Variants in SLC10A7 observed in about 807,000 individuals in gnomAD.
SLC10A7 encodes the protein solute carrier family 10 member 7.
In SLC10A7, 29 loss-of-function variants were observed where a neutral mutation model predicts 43.2. The ratio of observed to expected loss-of-function variants is 0.67; its 90% CI spans 0.50 to 0.92. SLC10A7 has a LOEUF of 0.92. Ranked by LOEUF, SLC10A7 falls within the 40% of genes least tolerant of loss-of-function variation. SLC10A7 has a pLI of 0.00. For missense variants in SLC10A7, 295 were observed against 403.2 expected, an observed-to-expected ratio of 0.73 and a Z score of 2.30; for synonymous variants, 152 against 144.8, an observed-to-expected ratio of 1.05 and a Z score of -0.35.
Position 146,514,861 on chromosome 4 carries a change from A to G in SLC10A7, c.183+2177T>C, listed in dbSNP as rs867156945. Reference sequence around the variant, plus strand: ...TGGTTTAATATTACACAATGATACAATCTAGGACATCTTAAGTTATATGGC... The same window carrying G: ...TGGTTTAATATTACACAATGATACAGTCTAGGACATCTTAAGTTATATGGC... On this transcript the variant is annotated intron_variant, in intron 2 of 11. Transcript: ENST00000335472. 17 of 460,236 alleles carry G rather than the reference A, an allele frequency of 3.7e-5. No individual in the cohort carries two copies. The Middle Eastern group carries it at 3.8e-3, about 103-fold the overall frequency. 28.5% of individuals were successfully genotyped at this position (460,236 alleles called of 1,614,324 possible). A position where few individuals can be genotyped will look rare whatever the true frequency, so the allele number is the denominator to read the frequency against.
At chr4:146,451,678 T>C (rs1731616317) in intron 4 of SLC10A7, among the ~76,000 whole-genome samples, 1 of 152,090 alleles carries the variant, frequency 6.6e-6, no homozygotes, top group East Asian at 1.9e-4. Flanking sequence ...AAATTCGACA[T>C]CTCTTCATGA....
At chr4:146,382,311 T>A (rs1280976776) in intron 5 of SLC10A7, among the ~76,000 whole-genome samples, 1 of 152,188 alleles carries the variant, frequency 6.6e-6, no homozygotes, top group East Asian at 1.9e-4. Flanking sequence ...AGTGGCCTAT[T>A]TCTGATCAGT....
chr4:146,259,805 T>C (rs1348567559), intron 10 of SLC10A7, among the ~76,000 whole-genome samples: 3 of 152,236 alleles, frequency 2.0e-5, no homozygotes, highest in Non-Finnish European at 4.4e-5. Context: ...CTAATTGTTT[T>C]AATGCAGCCA....
In SLC10A7 at chr4:146,428,641, T is replaced by C. The variant is rs1208772684; in HGVS notation, c.435+14142A>G. The stretch of plus-strand genomic sequence containing the variant: ...ACATCATTGAATTGGTTCTTTTTCA[T>C]ACTTATATTTTTACTTCTTCTTTAG... On this transcript the variant is annotated intron_variant, in intron 5 of 11. Transcript: ENST00000335472. Among the ~76,000 whole-genome samples, 3 of 152,228 alleles carry C rather than the reference T, an allele frequency of 2.0e-5. No individual in the cohort carries two copies. In the East Asian group the frequency reaches 5.8e-4, roughly 29 times the overall value.
At chr4:146,517,152 A>G in intron 1 of SLC10A7, 32 bp from the exon 2 acceptor site, 1 of 1,545,072 alleles carries the variant, frequency 6.5e-7, no homozygotes. Context: ...ATTGCTAGAA[A>G]AGAATTTCAG....
chr4:146,276,719 G>T (rs183706780), intron 10 of SLC10A7, among the ~76,000 whole-genome samples: 6 of 152,308 alleles, frequency 3.9e-5, no homozygotes, highest in Admixed American at 3.9e-4. Context: ...AGAGGCTGAG[G>T]TGGGAGGATT....
At chr4:146,356,046 A>AT (rs1217885265) in intron 5 of SLC10A7, among the ~76,000 whole-genome samples, 103 of 123,822 alleles carry the variant, frequency 8.3e-4, no homozygotes, top group Admixed American at 1.5e-3. Context: ...TAATAAAAAA[A>AT]AAAAAATATA....
intron 5 of SLC10A7, among the ~76,000 whole-genome samples, chr4:146,399,387 G>A (rs1739062247): frequency 6.6e-6 from 1 of 152,148 alleles, no homozygotes. Flanking sequence ...TTAACACCAA[G>A]AAAGAGTTGG....
chr4:146,332,463 T>C (rs1213075434), intron 5 of SLC10A7, among the ~76,000 whole-genome samples: 7 of 152,116 alleles, frequency 4.6e-5, no homozygotes, highest in Non-Finnish European at 1.0e-4. Context: ...CACCATCCCT[T>C]TGGTGTTATT....
chr4:146,256,639 C>A (rs1054739285), intron 11 of SLC10A7, 119 bp from the exon 12 acceptor site: 4 of 1,151,296 alleles, frequency 3.5e-6, no homozygotes, highest in Admixed American at 3.6e-5. Context: ...CAGATGGCAT[C>A]ATATAACCAA....
At chr4:146,516,871 C>T (rs955639082) in intron 2 of SLC10A7, among the ~76,000 whole-genome samples, 167 bp downstream of exon 2, 6 of 152,168 alleles carry the variant, frequency 3.9e-5, no homozygotes, top group African/African-American at 1.4e-4. Context: ...TTATAATACA[C>T]ATATGTAGGA....
chr4:146,267,466 T>A (rs1167072370), intron 10 of SLC10A7, among the ~76,000 whole-genome samples: 1 of 152,210 alleles, frequency 6.6e-6, no homozygotes, highest in Non-Finnish European at 1.5e-5. Context: ...AGATCACAGA[T>A]CACGTGACCT....
chr4:146,510,717 A>G (rs1200578350), intron 2 of SLC10A7, among the ~76,000 whole-genome samples: 1 of 152,204 alleles, frequency 6.6e-6, no homozygotes, highest in Non-Finnish European at 1.5e-5. Context: ...GTTTACCTAC[A>G]TAAAATAAGA....
At position 146,414,695 on chromosome 4, in the gene SLC10A7, C is replaced by T. The variant is rs62328696; in HGVS notation, c.435+28088G>A. Among the ~76,000 whole-genome samples the T allele has an allele frequency of 8.2e-3, 1,237 of 150,592 alleles. 8 individuals carry two copies. The highest frequency in any genetic ancestry group is 0.014 in the Non-Finnish European group (969 of 67,802). On this transcript the variant is annotated intron_variant, in intron 5 of 11. Transcript: ENST00000335472. ...CCGAGGTTATACCACTGCATACCAG[C>T]CTGGGAGAAAAAGCAAGACTCCATC...
intron 5 of SLC10A7, among the ~76,000 whole-genome samples, chr4:146,437,139 T>C (rs894009243): frequency 1.3e-5 from 2 of 152,086 alleles, no homozygotes; most frequent in South Asian, 2.1e-4. Context: ...TCTGAGTATA[T>C]GTGTGTTGAT....
chr4:146,320,234 T>C (rs747151835), intron 6 of SLC10A7, among the ~76,000 whole-genome samples: 11 of 152,050 alleles, frequency 7.2e-5, no homozygotes, highest in Non-Finnish European at 1.2e-4. Flanking sequence ...CAGGTACATA[T>C]GCAGGAAGGT....
chr4:146,475,783 AAG>A (rs1733973780), intron 4 of SLC10A7, among the ~76,000 whole-genome samples: 1 of 152,226 alleles, frequency 6.6e-6, no homozygotes, highest in Non-Finnish European at 1.5e-5. Flanking sequence ...ACGAACTAAA[AAG>A]ATTTTAAGAC....
At chr4:146,437,851 A>G (rs115544221) in intron 5 of SLC10A7, among the ~76,000 whole-genome samples, 1 of 152,036 alleles carries the variant, frequency 6.6e-6, no homozygotes, top group African/African-American at 2.4e-5. Context: ...AACCATTCTA[A>G]ATATTTCAGA....
At chr4:146,442,456 G>A (rs1370015835) in intron 5 of SLC10A7, 12 of 1,064,164 alleles carry the variant, frequency 1.1e-5, no homozygotes, top group Admixed American at 5.7e-5. Context: ...TCAGTCCCAT[G>A]ATACAAAATA....
Sources: gnomAD v4.1 joint callset for allele counts (sites outside exome capture counted in the v4.1 genomes callset) on GRCh38, gnomAD v4.1.1 for gene constraint, MANE v1.5 for transcripts, NCBI Gene and HGNC (gene_info 2026-07-23, HGNC 2026-07-21) for gene names.